RGL1: variants seen among roughly 807,000 people sequenced by gnomAD.
RGL1 encodes the protein ral guanine nucleotide dissociation stimulator-like 1.
In RGL1, 24 loss-of-function variants were observed where a neutral mutation model predicts 95.2. The ratio of observed to expected loss-of-function variants is 0.25; its 90% CI spans 0.18 to 0.35. The LOEUF is 0.35. Among genes scored for constraint, RGL1 ranks in the 10% least tolerant of loss-of-function variants. RGL1 has a pLI of 1.00. For synonymous variants in RGL1, 329 were observed against 344.9 expected, an observed-to-expected ratio of 0.95 and a Z score of 0.51; for missense variants, 715 against 936.3, an observed-to-expected ratio of 0.76 and a Z score of 3.08.
chr1:183,773,763 C>T (rs1659434983), intron 2 of RGL1, among the ~76,000 whole-genome samples: 1 of 152,158 alleles, frequency 6.6e-6, no homozygotes, highest in Admixed American at 6.5e-5. Flanking sequence ...TGCCTCAAAA[C>T]ATTCATCTTA....
intron 3 of RGL1, among the ~76,000 whole-genome samples, chr1:183,851,056 T>C (rs1664798284): frequency 6.6e-6 from 1 of 152,236 alleles, no homozygotes; most frequent in African/African-American, 2.4e-5. Context: ...TTCTTTGTTC[T>C]ATTATAGAGG....
At chr1:183,751,480 C>G (rs566665298) in intron 2 of RGL1, among the ~76,000 whole-genome samples, 3 of 152,150 alleles carry the variant, frequency 2.0e-5, no homozygotes, top group Non-Finnish European at 2.9e-5. Context: ...TCTTAGCTTG[C>G]TGGGGTCTGT....
intron 1 of RGL1, chr1:183,647,617 T>G (rs1300927749): frequency 8.0e-6 from 12 of 1,504,452 alleles, no homozygotes; most frequent in Non-Finnish European, 1.1e-5. Context: ...AGTTTCCAGA[T>G]TTTTATTGCC....
chr1:183,924,450 A>T (rs775272678), intron 17 of RGL1, among the ~76,000 whole-genome samples: 6 of 152,072 alleles, frequency 3.9e-5, no homozygotes, highest in Non-Finnish European at 7.4e-5. Context: ...CAGGGAGGGG[A>T]ATATCACACA....
chr1:183,830,849 A>G (rs1436037959), intron 2 of RGL1, among the ~76,000 whole-genome samples: 5 of 152,208 alleles, frequency 3.3e-5, no homozygotes, highest in African/African-American at 7.2e-5. Flanking sequence ...TGAAATTTTT[A>G]GTTCAGAAAA....
intron 1 of RGL1, among the ~76,000 whole-genome samples, chr1:183,730,674 C>G (rs1352633423): frequency 6.6e-6 from 1 of 152,134 alleles, no homozygotes; most frequent in Middle Eastern, 3.4e-3. Context: ...ACTAATTGGT[C>G]CAGTAGGAAC....
chr1:183,869,680 TCTCTTTTTC>T (rs1289939546), intron 4 of RGL1, among the ~76,000 whole-genome samples: 3 of 152,178 alleles, frequency 2.0e-5, no homozygotes, highest in Admixed American at 2.0e-4. Context: ...ATTTTTTGGC[TCTCTTTTTC>T]TGAAACTATG....
At chr1:183,690,873 C>T (rs892203438) in intron 1 of RGL1, among the ~76,000 whole-genome samples, 3 of 152,106 alleles carry the variant, frequency 2.0e-5, no homozygotes, top group African/African-American at 7.2e-5. Context: ...CAAGTAGTGA[C>T]TCAAGTTATT....
intron 1 of RGL1, among the ~76,000 whole-genome samples, chr1:183,715,435 T>C (rs974362521): frequency 6.6e-6 from 1 of 152,136 alleles, no homozygotes; most frequent in Non-Finnish European, 1.5e-5. Context: ...TTTTCACACG[T>C]CTGTCTCCCA....
chr1:183,767,214 G>A (rs1171139758), intron 2 of RGL1, among the ~76,000 whole-genome samples: 3 of 125,590 alleles, frequency 2.4e-5, no homozygotes, highest in Non-Finnish European at 4.8e-5. Context: ...GGGCAGCAGA[G>A]CAAGACCCTG....
chr1:183,707,081 G>A (rs971844248), intron 1 of RGL1, among the ~76,000 whole-genome samples: 2 of 152,164 alleles, frequency 1.3e-5, no homozygotes, highest in Non-Finnish European at 2.9e-5. Context: ...GTCCTGTAAG[G>A]AGACACACAA....
intron 2 of RGL1, among the ~76,000 whole-genome samples, chr1:183,752,678 C>A (rs1482859408): frequency 7.1e-6 from 1 of 141,738 alleles, no homozygotes; most frequent in Non-Finnish European, 1.5e-5. Context: ...CTCTCTTTCT[C>A]TCTCTCTCTC....
rs892183801 is a variant in RGL1, at chr1:183,649,007, C to T, written c.-33+12506C>T. Among the ~76,000 whole-genome samples, 10 of 152,296 alleles carry T rather than the reference C, an allele frequency of 6.6e-5. No homozygotes were observed. The South Asian group carries it at 8.3e-4, about 13-fold the overall frequency. On this transcript the variant is annotated intron_variant, in intron 1 of 18. Coordinates refer to the RGL1 transcript ENST00000304685. Reference sequence around the variant, plus strand: ...ATGGGGAGGAAACAGAAGAGAAAGGCGTTCTTCAACTTTACCTGTTTCATA... The same window carrying T: ...ATGGGGAGGAAACAGAAGAGAAAGGTGTTCTTCAACTTTACCTGTTTCATA...
intron 11 of RGL1, among the ~76,000 whole-genome samples, chr1:183,901,673 C>G (rs1031118563): frequency 6.6e-6 from 1 of 151,742 alleles, no homozygotes; most frequent in East Asian, 1.9e-4. Flanking sequence ...CTCTCTCTGT[C>G]CCCTTGTCCC....
chr1:183,877,834 T>C (rs1666594907), intron 4 of RGL1, among the ~76,000 whole-genome samples: 1 of 152,158 alleles, frequency 6.6e-6, no homozygotes, highest in South Asian at 2.1e-4. Context: ...ACACAAAATG[T>C]CCACCTAAGG....
At chr1:183,636,451 T>C in exon 1 of RGL1, 1 of 330,020 alleles carries the variant, frequency 3.0e-6, no homozygotes, top group Non-Finnish European at 5.5e-6. Context: ...AAATCTTATC[T>C]GTCAGTGCTG....
intron 1 of RGL1, among the ~76,000 whole-genome samples, chr1:183,687,125 A>G (rs1653638619): frequency 6.6e-6 from 1 of 152,202 alleles, no homozygotes; most frequent in South Asian, 2.1e-4. Context: ...TCTGTCTGTC[A>G]TCACCATTAT....
chr1:183,843,115 A>T (rs1009392153), intron 2 of RGL1, among the ~76,000 whole-genome samples: 1 of 152,244 alleles, frequency 6.6e-6, no homozygotes, highest in African/African-American at 2.4e-5. Flanking sequence ...TAGGATATTT[A>T]GCAGTTCTAC....
chr1:183,838,565 G>A lies in RGL1; in HGVS notation c.139-9001G>A, dbSNP rs541053962. On this transcript the variant is annotated intron_variant, in intron 2 of 17. Transcript: ENST00000360851. ...CGTGTAGTTTTTTCAGAGCACATTGGTTTGTCATACACATGCCCTTCTGCC... is the reference window on the plus strand; with the variant it reads ...CGTGTAGTTTTTTCAGAGCACATTGATTTGTCATACACATGCCCTTCTGCC... Among the ~76,000 whole-genome samples the A allele has an allele frequency of 3.9e-5, 6 of 152,272 alleles. No homozygotes were observed. The East Asian group carries it at 5.8e-4, about 15-fold the overall frequency.
Sources: gnomAD v4.1 joint callset for allele counts (sites outside exome capture counted in the v4.1 genomes callset) on GRCh38, gnomAD v4.1.1 for gene constraint, MANE v1.5 for transcripts, NCBI Gene and HGNC (gene_info 2026-07-23, HGNC 2026-07-21) for gene names.